Variants in TPTE observed in about 807,000 individuals in gnomAD.
The protein encoded by TPTE is putative tyrosine-protein phosphatase TPTE.
Under a neutral mutation model 84.1 loss-of-function variants are expected in TPTE, and 59 were observed. That is an observed-to-expected ratio of 0.70 (90% CI 0.57 to 0.87). The LOEUF (loss-of-function observed/expected upper bound fraction) is 0.87. Ranked by LOEUF, TPTE falls within the 40% of genes least tolerant of loss-of-function variation. TPTE has a pLI of 0.00. For synonymous variants in TPTE, 130 were observed against 223.5 expected, an observed-to-expected ratio of 0.58 and a Z score of 3.73; for missense variants, 382 against 659.6, an observed-to-expected ratio of 0.58 and a Z score of 4.61.
intron 3 of TPTE, among the ~76,000 whole-genome samples, chr21:10,530,876 A>G (rs1018531784): frequency 9.2e-5 from 14 of 152,420 alleles, no homozygotes; most frequent in African/African-American, 2.9e-4. Context: ...AACATATTGC[A>G]TTATGTTTTA....
At chr21:10,592,593 T>C (rs2075502449) in intron 19 of TPTE, among the ~76,000 whole-genome samples, 1 of 152,310 alleles carries the variant, frequency 6.6e-6, no homozygotes, top group Non-Finnish European at 1.5e-5. Context: ...TCCTGCTTTC[T>C]ATTCTATACT....
intron 8 of TPTE, among the ~76,000 whole-genome samples, chr21:10,558,345 T>G (rs796554761): frequency 6.6e-6 from 1 of 152,312 alleles, no homozygotes; most frequent in Non-Finnish European, 1.5e-5. Context: ...TTTACAGTGA[T>G]TGAACTAATT....
rs372531450 is a variant in TPTE at position 10,548,474 on chromosome 21, A to C, written c.174-4183A>C. ...GCCAGCCGAGCAGCCTCGTGTCCAC[A>C]TCCTGGCTCACAGAAGTAGTCCCCA... On this transcript the variant is annotated intron_variant, in intron 7 of 23. Transcript: ENST00000618007. 6.6e-5 allele frequency among the ~76,000 whole-genome samples: 10 copies of C among 152,418 alleles called. No homozygotes were observed. The South Asian group carries it at 1.0e-3, about 16-fold the overall frequency.
chr21:10,564,417 G>A (rs1262748266), intron 10 of TPTE, among the ~76,000 whole-genome samples: 53 of 152,410 alleles, frequency 3.5e-4, no homozygotes, highest in African/African-American at 7.5e-4. Flanking sequence ...GGCCGAGGCC[G>A]GAGAATCACT....
At chr21:10,601,743 C>T (rs1294675555) in intron 21 of TPTE, among the ~76,000 whole-genome samples, 1,734 of 149,308 alleles carry the variant, frequency 0.012, no homozygotes, top group African/African-American at 0.043. Flanking sequence ...GTCCCAGCTA[C>T]TTGGGAGGCT....
Position 10,605,366 on chromosome 21 carries a change from G to T in TPTE, c.1521-51G>T, listed in dbSNP as rs200244062. 18,852 of 1,542,096 alleles carry T rather than the reference G, an allele frequency of 0.012. No individual in the cohort carries two copies. The highest frequency in any genetic ancestry group is 0.013 in the Non-Finnish European group (14,811 of 1,125,368). ...TCTAACGTGGGTACCCAACTGTGTG[G>T]CTTTTCAGTGAGCCCCAATATAAAA... On this transcript the variant is annotated intron_variant, in intron 23 of 23. Coordinates refer to ENST00000618007, the MANE Select transcript of TPTE (RefSeq NM_199261.4).
intron 17 of TPTE, among the ~76,000 whole-genome samples, chr21:10,589,574 C>A (rs543285249): frequency 2.0e-5 from 3 of 152,422 alleles, no homozygotes; most frequent in Admixed American, 2.0e-4. Flanking sequence ...AAAATGCCGG[C>A]AGCGTTTCCC....
At position 10,597,245 on chromosome 21, in the gene TPTE, T is replaced by A. The variant is rs1460974053; in HGVS notation, c.1277-770T>A. 3.3e-5 allele frequency among the ~76,000 whole-genome samples: 5 copies of A among 152,416 alleles called. No individual in the cohort carries two copies. The East Asian group carries it at 7.7e-4, about 24-fold the overall frequency. On this transcript the variant is annotated intron_variant, in intron 20 of 23. Coordinates refer to ENST00000618007, the MANE Select transcript of TPTE (RefSeq NM_199261.4). Reference sequence around the variant, plus strand: ...GGAATTTTTGGATATAACTATCGTATATTTTTATAGAGATTGCATCAGGAA... The same window carrying A: ...GGAATTTTTGGATATAACTATCGTAAATTTTTATAGAGATTGCATCAGGAA...
chr21:10,562,134 A>C (rs559304512), intron 10 of TPTE, among the ~76,000 whole-genome samples: 1 of 152,308 alleles, frequency 6.6e-6, no homozygotes, highest in Non-Finnish European at 1.5e-5. Flanking sequence ...GTCCAAGACC[A>C]TTAAGGCAGT....
chr21:10,574,357 C>T (rs1310112714), intron 14 of TPTE, among the ~76,000 whole-genome samples: 1 of 152,310 alleles, frequency 6.6e-6, no homozygotes, highest in South Asian at 2.1e-4. Flanking sequence ...AGCTACTTCC[C>T]AGAAAATGTC....
At chr21:10,581,378 A>T (rs2075268440) in intron 17 of TPTE, among the ~76,000 whole-genome samples, 2 of 152,424 alleles carry the variant, frequency 1.3e-5, no homozygotes, top group East Asian at 1.9e-4. Context: ...GAAGGAAAAC[A>T]ATCATTTCAA....
chr21:10,560,192 A>G (rs561969868), intron 9 of TPTE, among the ~76,000 whole-genome samples: 3 of 152,416 alleles, frequency 2.0e-5, no homozygotes, highest in Non-Finnish European at 2.9e-5. Flanking sequence ...TTAAAATTCT[A>G]TAATTATTAG....
At chr21:10,536,237 C>T (rs2074262971) in intron 3 of TPTE, among the ~76,000 whole-genome samples, 1 of 152,312 alleles carries the variant, frequency 6.6e-6, no homozygotes, top group Admixed American at 6.5e-5. Context: ...AAGATGGCTC[C>T]ACTGCACTCC....
intron 7 of TPTE, among the ~76,000 whole-genome samples, chr21:10,543,782 T>G (rs1158985682): frequency 2.0e-5 from 3 of 152,304 alleles, no homozygotes; most frequent in African/African-American, 7.2e-5. Context: ...TTCCTGAGTT[T>G]GAGACCCTAC....
intron 14 of TPTE, 151 bp from the exon 15 acceptor site, chr21:10,577,309 A>C: frequency 7.1e-7 from 1 of 1,403,462 alleles, no homozygotes; most frequent in Non-Finnish European, 9.7e-7. Flanking sequence ...TAGAACTTGA[A>C]GTTTGCATAC....
intron 3 of TPTE, among the ~76,000 whole-genome samples, chr21:10,531,002 CCTAT>C (rs1568952041): frequency 1.3e-5 from 2 of 152,300 alleles, no homozygotes; most frequent in East Asian, 3.8e-4. Context: ...CACTAGTGTT[CCTAT>C]CTTTGTCTTG....
At chr21:10,601,575 C>T (rs1209081095) in intron 21 of TPTE, among the ~76,000 whole-genome samples, 1 of 152,308 alleles carries the variant, frequency 6.6e-6, no homozygotes, top group Non-Finnish European at 1.5e-5. Context: ...AAACAACAGG[C>T]CAGGTGCAGT....
chr21:10,553,652 T>C (rs2074623450), intron 8 of TPTE, among the ~76,000 whole-genome samples: 1 of 152,306 alleles, frequency 6.6e-6, no homozygotes, highest in Admixed American at 6.5e-5. Flanking sequence ...ATTACATAGA[T>C]ATAGGAGGAA....
rs1365511626 is a variant in TPTE, at chr21:10,563,204, A to G, written c.446+2013A>G. 3.9e-5 allele frequency among the ~76,000 whole-genome samples: 6 copies of G among 152,426 alleles called. No homozygotes were observed. The East Asian group carries it at 1.2e-3, about 29-fold the overall frequency. On this transcript the variant is annotated intron_variant, in intron 10 of 23. Coordinates refer to ENST00000618007, the MANE Select transcript of TPTE (RefSeq NM_199261.4). ...GGGGAAATAAAGACTTTTCCACACA[A>G]AAGCTGAGGGATTTTGTCAACACCA...
Sources: allele counts gnomAD v4.1 joint callset (sites outside exome capture counted in the v4.1 genomes callset), GRCh38; gene constraint gnomAD v4.1.1; transcripts MANE v1.5; gene names NCBI Gene and HGNC (gene_info 2026-07-23, HGNC 2026-07-21).